The following LUZP2 variants were observed in gnomAD, a reference collection of about 807,000 sequenced individuals.
The protein encoded by LUZP2 is leucine zipper protein 2.
In LUZP2, 52 loss-of-function variants were observed where a neutral mutation model predicts 51.6. The ratio of observed to expected loss-of-function variants is 1.01; its 90% CI spans 0.81 to 1.27. The LOEUF is 1.27. LUZP2 is among the 50% of genes most tolerant of loss of function. The pLI, the probability that LUZP2 is intolerant of heterozygous loss-of-function variation, is 0.00. For synonymous variants in LUZP2, 154 were observed against 137.3 expected, an observed-to-expected ratio of 1.12 and a Z score of -0.85; for missense variants, 436 against 395.4, an observed-to-expected ratio of 1.10 and a Z score of -0.87.
Position 24,611,748 on chromosome 11 carries a change from A to G in LUZP2, c.62+114443A>G, listed in dbSNP as rs1454725808. ...ACTCTTTCACTCCTCACACCAAGCC[A>G]AGATATAACTACCTCATTTATCACC... is the stretch of plus-strand genomic sequence containing the variant. On this transcript the variant is annotated intron_variant, in intron 1 of 11. Coordinates refer to ENST00000336930, the MANE Select transcript of LUZP2 (RefSeq NM_001009909.4). This position sits in a 1 kb window ranked among gnomAD's most constrained non-coding sequence, Gnocchi z 4.6. Among the ~76,000 whole-genome samples, 1 of 152,196 alleles carries G rather than the reference A, an allele frequency of 6.6e-6. No homozygotes were observed. Among genetic ancestry groups the G allele is most frequent in the African/African-American group, 2.4e-5 (1 of 41,458 alleles).
chr11:24,621,269 T>C (rs575883287), intron 1 of LUZP2, among the ~76,000 whole-genome samples: 2 of 152,322 alleles, frequency 1.3e-5, no homozygotes, highest in Admixed American at 1.3e-4. Context: ...AGACAAAAGG[T>C]TTGAGATTCA....
At chr11:24,607,148 C>G (rs1000719294) in intron 1 of LUZP2, among the ~76,000 whole-genome samples, 4 of 151,348 alleles carry the variant, frequency 2.6e-5, no homozygotes, top group Non-Finnish European at 5.9e-5. Flanking sequence ...TCATGTACTT[C>G]CAATCATTTA....
chr11:24,859,915 C>T (rs1173373148), intron 5 of LUZP2, among the ~76,000 whole-genome samples: 1 of 141,246 alleles, frequency 7.1e-6, no homozygotes, highest in African/African-American at 2.7e-5. Flanking sequence ...TGTCTTACAG[C>T]CTCTCAGCAG....
intron 1 of LUZP2, among the ~76,000 whole-genome samples, chr11:24,520,242 CAAAA>C (rs11318256): frequency 1.3e-5 from 2 of 151,514 alleles, no homozygotes; most frequent in Non-Finnish European, 2.9e-5. Flanking sequence ...ACACATTTTA[CAAAA>C]AAAGGTTAAT....
intron 1 of LUZP2, among the ~76,000 whole-genome samples, chr11:24,609,004 G>T (rs765007062): frequency 1.3e-5 from 2 of 151,966 alleles, no homozygotes; most frequent in Non-Finnish European, 2.9e-5. Flanking sequence ...AATACAAAGT[G>T]GAGATGACTT....
At chr11:24,569,892 A>G (rs1447646209) in intron 1 of LUZP2, among the ~76,000 whole-genome samples, 3 of 148,464 alleles carry the variant, frequency 2.0e-5, no homozygotes, top group African/African-American at 7.5e-5. Context: ...ATGGCTTTGG[A>G]AGACATCAAA....
intron 5 of LUZP2, among the ~76,000 whole-genome samples, chr11:24,858,597 A>C (rs1851639243): frequency 6.6e-6 from 1 of 152,216 alleles, no homozygotes; most frequent in Admixed American, 6.5e-5. Flanking sequence ...CTATTGCCAA[A>C]TGCAAAGAAA....
intron 2 of LUZP2, among the ~76,000 whole-genome samples, chr11:24,731,063 A>C (rs1858694915): frequency 6.6e-6 from 1 of 151,558 alleles, no homozygotes; most frequent in African/African-American, 2.4e-5. Flanking sequence ...AAGATTGTTT[A>C]TTGATTGCTT....
At chr11:24,997,759 C>T (rs1327866424) in intron 9 of LUZP2, among the ~76,000 whole-genome samples, 1 of 152,128 alleles carries the variant, frequency 6.6e-6, no homozygotes, top group Non-Finnish European at 1.5e-5. Flanking sequence ...TTAGGTCTGA[C>T]ATTTAAGTCT....
chr11:24,562,516 A>ATG (rs917001830), intron 1 of LUZP2, among the ~76,000 whole-genome samples: 166 of 152,012 alleles, frequency 1.1e-3, no homozygotes, highest in African/African-American at 3.9e-3. Flanking sequence ...TTCGAGATAG[A>ATG]TGTAAGTCTA....
chr11:24,709,052 A>G (rs994555027), intron 1 of LUZP2, among the ~76,000 whole-genome samples: 4 of 152,188 alleles, frequency 2.6e-5, no homozygotes, highest in Admixed American at 6.5e-5. Context: ...AAGTAGAAAG[A>G]GTTAAGCAAA....
intron 4 of LUZP2, among the ~76,000 whole-genome samples, chr11:24,742,472 A>G (rs1389797788): frequency 6.6e-6 from 1 of 151,834 alleles, no homozygotes; most frequent in African/African-American, 2.4e-5. Context: ...GCATTTTTTC[A>G]TATGTTTATT....
At chr11:24,519,273 AC>A (rs1468045069) in intron 1 of LUZP2, among the ~76,000 whole-genome samples, 1 of 151,898 alleles carries the variant, frequency 6.6e-6, no homozygotes, top group Non-Finnish European at 1.5e-5. Context: ...TGTTAACAGT[AC>A]CCCTCAACCC....
chr11:24,835,794 A>G (rs1364501771), intron 5 of LUZP2, among the ~76,000 whole-genome samples: 1 of 152,060 alleles, frequency 6.6e-6, no homozygotes, highest in East Asian at 1.9e-4. Context: ...TCCTTAATAT[A>G]GAACATAAAT....
intron 10 of LUZP2, among the ~76,000 whole-genome samples, chr11:25,070,010 C>T (rs1225276645): frequency 6.6e-6 from 1 of 151,614 alleles, no homozygotes; most frequent in Non-Finnish European, 1.5e-5. Context: ...CTGTCATCCC[C>T]GTAATATGTG....
chr11:24,535,190 T>C (rs1371280964), intron 1 of LUZP2, among the ~76,000 whole-genome samples: 1 of 151,358 alleles, frequency 6.6e-6, no homozygotes, highest in Non-Finnish European at 1.5e-5. Context: ...TCCTAAATCC[T>C]GTTTTGCTAG....
chr11:24,976,706 CAAAAAA>C (rs57265111), intron 8 of LUZP2, 41 bp downstream of exon 8: 12,601 of 327,656 alleles, frequency 0.038, no homozygotes, highest in Middle Eastern at 0.061. Context: ...GTAGTTTTAG[CAAAAAA>C]AAAAAAAAAA....
At chr11:24,538,564 G>A (rs534904182) in intron 1 of LUZP2, among the ~76,000 whole-genome samples, 62 of 151,116 alleles carry the variant, frequency 4.1e-4, no homozygotes, top group Non-Finnish European at 7.4e-4. Context: ...AAGTTGTTAG[G>A]TAGGCTAAAA....
intron 9 of LUZP2, among the ~76,000 whole-genome samples, chr11:25,028,489 G>A (rs2133985963): frequency 6.6e-6 from 1 of 152,172 alleles, no homozygotes; most frequent in South Asian, 2.1e-4. Flanking sequence ...TTTTTCATCT[G>A]TAACAGCATA....
Sources: gnomAD v4.1 joint callset for allele counts (sites outside exome capture counted in the v4.1 genomes callset) on GRCh38, gnomAD v4.1.1 for gene constraint, Gnocchi (gnomAD v3.1) non-coding constraint, MANE v1.5 for transcripts, NCBI Gene and HGNC (gene_info 2026-07-23, HGNC 2026-07-21) for gene names.